TRPC4AP: variants seen among roughly 807,000 people sequenced by gnomAD.
TRPC4AP encodes transient receptor potential cation channel subfamily C member 4 associated protein, also known as short transient receptor potential channel 4-associated protein.
In TRPC4AP, 45 loss-of-function variants were observed where a neutral mutation model predicts 99.0. That is an observed-to-expected ratio of 0.45 (90% CI 0.36 to 0.58). The LOEUF (loss-of-function observed/expected upper bound fraction) is 0.58, where lower values mean the gene tolerates loss of function less well. Ranked by LOEUF, TRPC4AP falls within the 20% of genes least tolerant of loss-of-function variation. The pLI, the probability that TRPC4AP is intolerant of heterozygous loss-of-function variation, is 0.00. For missense variants in TRPC4AP, 879 were observed against 985.3 expected (o/e 0.89, Z 1.44); for synonymous variants, 408 against 385.8 (o/e 1.06, Z -0.67).
At chr20:35,052,493 TA>T (rs766322323) in intron 5 of TRPC4AP, among the ~76,000 whole-genome samples, 1 of 152,116 alleles carries the variant, frequency 6.6e-6, no homozygotes, top group African/African-American at 2.4e-5. Context: ...CAGTACTGTT[TA>T]TTTTTTTATC....
intron 7 of TRPC4AP, among the ~76,000 whole-genome samples, chr20:35,040,020 GA>G (rs1425344175): frequency 4.6e-5 from 7 of 151,654 alleles, no homozygotes; most frequent in Non-Finnish European, 1.0e-4. Flanking sequence ...AAAACGAAAC[GA>G]AAACTTTTTG....
chr20:35,012,679 A>G (rs2082664374), intron 11 of TRPC4AP, among the ~76,000 whole-genome samples: 1 of 152,196 alleles, frequency 6.6e-6, no homozygotes, highest in South Asian at 2.1e-4. Context: ...GCCCCTGGGA[A>G]TAGCCACGCT....
chr20:35,016,938 C>T (rs755843025), intron 9 of TRPC4AP, among the ~76,000 whole-genome samples: 7 of 152,196 alleles, frequency 4.6e-5, no homozygotes, highest in Admixed American at 2.0e-4. Flanking sequence ...TACATTCACA[C>T]GCTGTTGGTG....
At chr20:35,070,804 C>T (rs2084290250) in intron 2 of TRPC4AP, among the ~76,000 whole-genome samples, 1 of 152,120 alleles carries the variant, frequency 6.6e-6, no homozygotes, top group Non-Finnish European at 1.5e-5. Flanking sequence ...TGATACAGCA[C>T]ACATAGGGTA....
In TRPC4AP at chr20:35,006,564, G is replaced by A; in HGVS notation, c.1698C>T (p.Tyr566=). The A allele has an allele frequency of 3.7e-6, 6 of 1,614,060 alleles. No individual in the cohort carries two copies. The highest frequency in any genetic ancestry group is 5.1e-6 in the Non-Finnish European group (6 of 1,179,904). ...ACTTACACTCGCTGTCCACAATGCAGTAAAGGATGTGCTGGGTGAGGAGGG... is the reference window on the plus strand; with the variant it reads ...ACTTACACTCGCTGTCCACAATGCAATAAAGGATGTGCTGGGTGAGGAGGG... ...LKRGLLEHIL[Y]CIVDSECKSR... The change falls in exon 15 of 19, where the codon TAC becomes TAT. Residue 566 remains tyrosine, a synonymous_variant. Coordinates refer to ENST00000252015, the MANE Select transcript of TRPC4AP (RefSeq NM_015638.3).
In TRPC4AP at chr20:35,006,850, A is replaced by T. The variant is rs2082529228; in HGVS notation, c.1687-275T>A. Reference sequence around the variant, plus strand: ...TGTGACCTGCTCTGTGGTCACCAAGATGGCCGGGGTGCTCAGCTCCTAGGT... The same window carrying T: ...TGTGACCTGCTCTGTGGTCACCAAGTTGGCCGGGGTGCTCAGCTCCTAGGT... On this transcript the variant is annotated intron_variant, in intron 14 of 18. Coordinates refer to ENST00000252015, the MANE Select transcript of TRPC4AP (RefSeq NM_015638.3). Among the ~76,000 whole-genome samples the T allele has an allele frequency of 3.3e-5, 5 of 152,228 alleles. 1 individual carries two copies. In the South Asian group the frequency reaches 1.0e-3, roughly 32 times the overall value.
chr20:35,030,957 C>T (rs1341694485), intron 8 of TRPC4AP, among the ~76,000 whole-genome samples: 1 of 152,196 alleles, frequency 6.6e-6, no homozygotes, highest in African/African-American at 2.4e-5. Context: ...AGTCGGTATG[C>T]TGCTTAATTT....
At chr20:35,055,562 C>A (rs1569127827) in intron 4 of TRPC4AP, among the ~76,000 whole-genome samples, 1 of 152,186 alleles carries the variant, frequency 6.6e-6, no homozygotes, top group East Asian at 1.9e-4. Flanking sequence ...CTCTGTCACT[C>A]AGGGGCACAA....
chr20:35,070,732 C>A (rs1265729617), intron 2 of TRPC4AP, among the ~76,000 whole-genome samples: 1 of 152,154 alleles, frequency 6.6e-6, no homozygotes, highest in Non-Finnish European at 1.5e-5. Context: ...ACTAAACGTT[C>A]CTTGAGGACA....
chr20:35,031,415 TCAAAGAGA>T (rs1569103576), intron 8 of TRPC4AP, among the ~76,000 whole-genome samples: 29 of 109,646 alleles, frequency 2.6e-4, no homozygotes, highest in African/African-American at 6.0e-4. Context: ...TTTTTTTTTT[TCAAAGAGA>T]TGGGGTTTTG....
At chr20:35,003,656 A>G (rs1600490333) in intron 17 of TRPC4AP, 40 bp from the exon 18 acceptor site, 3 of 1,582,194 alleles carry the variant, frequency 1.9e-6, no homozygotes, top group Non-Finnish European at 1.7e-6. Context: ...GGCTGGTGGG[A>G]GCCCCAGTGG....
intron 2 of TRPC4AP, among the ~76,000 whole-genome samples, chr20:35,077,539 C>T (rs904139096): frequency 2.0e-5 from 3 of 152,196 alleles, no homozygotes; most frequent in Admixed American, 6.5e-5. Context: ...TGTTTTAACA[C>T]GCTCTTCAGG....
chr20:35,070,856 G>A (rs1489203545), intron 2 of TRPC4AP, among the ~76,000 whole-genome samples: 1 of 151,956 alleles, frequency 6.6e-6, no homozygotes, highest in African/African-American at 2.4e-5. Context: ...TTGTTCATAT[G>A]GAACAAAGCT....
intron 3 of TRPC4AP, 132 bp downstream of exon 3, chr20:35,069,164 C>T (rs1421373998): frequency 9.6e-6 from 6 of 626,756 alleles, no homozygotes; most frequent in East Asian, 5.3e-5. Context: ...ATGTAAATGC[C>T]GCTAAGCTTC....
At chr20:35,027,425 T>C (rs1409375711) in intron 8 of TRPC4AP, among the ~76,000 whole-genome samples, 1 of 152,268 alleles carries the variant, frequency 6.6e-6, no homozygotes, top group Non-Finnish European at 1.5e-5. Flanking sequence ...TATGTTGCTA[T>C]ACTTGGTGTG....
intron 2 of TRPC4AP, among the ~76,000 whole-genome samples, chr20:35,076,591 C>T (rs891013438): frequency 1.1e-4 from 17 of 152,190 alleles, no homozygotes; most frequent in Admixed American, 2.0e-4. Flanking sequence ...TATTGCAGAA[C>T]GGCAAATGCT....
chr20:35,061,791 G>A (rs1353543898), intron 3 of TRPC4AP, among the ~76,000 whole-genome samples: 1 of 152,084 alleles, frequency 6.6e-6, no homozygotes, highest in African/African-American at 2.4e-5. Context: ...TGTGACCTTG[G>A]ATTAGGAAAT....
intron 7 of TRPC4AP, among the ~76,000 whole-genome samples, chr20:35,038,278 AT>A (rs35478505): frequency 8.8e-5 from 13 of 148,290 alleles, no homozygotes; most frequent in South Asian, 4.3e-4. Flanking sequence ...TTGAGACACC[AT>A]TTTTTTTTTT....
intron 5 of TRPC4AP, among the ~76,000 whole-genome samples, chr20:35,051,585 T>C (rs905458915): frequency 6.6e-6 from 1 of 151,606 alleles, no homozygotes; most frequent in Non-Finnish European, 1.5e-5. Flanking sequence ...ATTAATACAT[T>C]TCGGTTCTTC....
Sources: allele counts gnomAD v4.1 joint callset (sites outside exome capture counted in the v4.1 genomes callset), GRCh38; gene constraint gnomAD v4.1.1; transcripts MANE v1.5; gene names NCBI Gene and HGNC (gene_info 2026-07-23, HGNC 2026-07-21).